SRGAP3: variants seen among roughly 807,000 people sequenced by gnomAD.
SRGAP3 encodes the protein SLIT-ROBO Rho GTPase-activating protein 3.
Under a neutral mutation model 121.1 loss-of-function variants are expected in SRGAP3, and 39 were observed. That is an observed-to-expected ratio of 0.32 (90% CI 0.25 to 0.42). SRGAP3 has a LOEUF of 0.42. Ranked by LOEUF, SRGAP3 falls within the 10% of genes least tolerant of loss-of-function variation. SRGAP3 has a pLI of 1.00. For synonymous variants in SRGAP3, 601 were observed against 570.0 expected, an observed-to-expected ratio of 1.05 and a Z score of -0.77; for missense variants, 1,213 against 1,470.6, an observed-to-expected ratio of 0.82 and a Z score of 2.86.
rs764970514 is a variant in SRGAP3, at chr3:9,146,169, G to A, written c.68-21252C>T. On this transcript the variant is annotated intron_variant, in intron 1 of 21. Coordinates refer to ENST00000383836, the MANE Select transcript of SRGAP3 (RefSeq NM_014850.4). ...GAGACTCAACTAAGACTTATCAATCGAGCTCCTTCCATCAAGCAGGTATTC... is the reference window on the plus strand; with the variant it reads ...GAGACTCAACTAAGACTTATCAATCAAGCTCCTTCCATCAAGCAGGTATTC... Among the ~76,000 whole-genome samples the A allele has an allele frequency of 2.6e-5, 4 of 152,184 alleles. No individual in the cohort carries two copies. The East Asian group carries it at 5.8e-4, about 22-fold the overall frequency.
intron 10 of SRGAP3, among the ~76,000 whole-genome samples, chr3:9,041,337 G>A (rs1945002450): frequency 6.6e-6 from 1 of 152,200 alleles, no homozygotes; most frequent in South Asian, 2.1e-4. Context: ...TCCGACCCAG[G>A]GACTCCCTGA....
intron 1 of SRGAP3, among the ~76,000 whole-genome samples, chr3:9,180,305 G>A (rs1951336216): frequency 6.6e-6 from 1 of 152,226 alleles, no homozygotes; most frequent in Admixed American, 6.5e-5. Flanking sequence ...AGGCTGTTTG[G>A]TTCCCACCCA....
intron 1 of SRGAP3, among the ~76,000 whole-genome samples, chr3:9,179,843 C>T (rs1358599578): frequency 6.6e-6 from 1 of 152,278 alleles, no homozygotes; most frequent in African/African-American, 2.4e-5. Context: ...CCCAAGGCCA[C>T]ATAGCTACCA....
At chr3:9,287,641 T>C (rs1255560772) in intron 3 of SRGAP3, among the ~76,000 whole-genome samples, 1 of 152,186 alleles carries the variant, frequency 6.6e-6, no homozygotes, top group African/African-American at 2.4e-5. Flanking sequence ...GTTGAAAAAC[T>C]GTGTATTGGG....
intron 3 of SRGAP3, among the ~76,000 whole-genome samples, chr3:9,290,403 G>A (rs183792333): frequency 1.3e-5 from 2 of 152,292 alleles, no homozygotes; most frequent in Admixed American, 6.5e-5. Context: ...ACATAGGACA[G>A]GTGTGTGGGG....
At position 8,984,262 on chromosome 3, in the gene SRGAP3, G is replaced by C; in HGVS notation, c.*1257C>G. The C allele has an allele frequency of 4.3e-6, 1 of 229,994 alleles. No individual in the cohort carries two copies. Among genetic ancestry groups the C allele is most frequent in the African/African-American group, 2.2e-5 (1 of 45,256 alleles). The allele number at this position is 229,994 out of a possible 1,614,324, so 14.2% of individuals were successfully genotyped here. ...TGTCCTCTAGGACAGAAAGTGCCAA[G>C]GACTGCCCCTCCCTGGCCCCAGTCT... On this transcript the variant is annotated 3_prime_UTR_variant, in exon 22 of 22. Coordinates refer to ENST00000383836, the MANE Select transcript of SRGAP3 (RefSeq NM_014850.4).
intron 1 of SRGAP3, among the ~76,000 whole-genome samples, chr3:9,183,162 G>A (rs557821993): frequency 6.6e-6 from 1 of 152,258 alleles, no homozygotes; most frequent in East Asian, 1.9e-4. Context: ...CCCAGGAAGG[G>A]ACCAGGAAAA....
chr3:9,350,001 C>T lies in SRGAP3; in HGVS notation n.214+12839G>A, dbSNP rs370974071. The T allele has an allele frequency of 2.6e-5, 4 of 152,138 alleles. No individual in the cohort carries two copies. In the East Asian group the frequency reaches 7.7e-4, roughly 29 times the overall value. The allele number at this position is 152,138 out of a possible 1,614,324, so 9.4% of individuals were successfully genotyped here. On this transcript the variant is annotated intron_variant and non_coding_transcript_variant, in intron 1 of 3. Transcript: ENST00000490889. ...TAGTTGCTTGGCCCTGACACATGGGCCCAGTGTTCATTTGAGCATAGCAGT... is the reference window on the plus strand; with the variant it reads ...TAGTTGCTTGGCCCTGACACATGGGTCCAGTGTTCATTTGAGCATAGCAGT...
At chr3:9,348,087 T>C (rs1955939080) in intron 1 of SRGAP3, among the ~76,000 whole-genome samples, 1 of 152,358 alleles carries the variant, frequency 6.6e-6, no homozygotes, top group East Asian at 1.9e-4. Context: ...GGCTCCTCAT[T>C]ATTCAGTAGC....
intron 1 of SRGAP3, among the ~76,000 whole-genome samples, chr3:9,189,653 G>A (rs1382654485): frequency 6.6e-6 from 1 of 152,186 alleles, no homozygotes; most frequent in Non-Finnish European, 1.5e-5. Context: ...GCTGCCAGGA[G>A]GGCTATATTC....
chr3:9,160,632 A>G (rs1020403575), intron 1 of SRGAP3, among the ~76,000 whole-genome samples: 3 of 152,106 alleles, frequency 2.0e-5, no homozygotes, highest in Non-Finnish European at 4.4e-5. Flanking sequence ...CTGATTCTTG[A>G]CCCATGGAAA....
chr3:9,358,010 G>T (rs1235858691), intron 1 of SRGAP3, among the ~76,000 whole-genome samples: 6 of 152,070 alleles, frequency 3.9e-5, no homozygotes, highest in Non-Finnish European at 7.4e-5. Context: ...GAGTAGCTGG[G>T]ATTAGAGATG....
intron 10 of SRGAP3, among the ~76,000 whole-genome samples, chr3:9,039,883 C>G (rs954036024): frequency 6.6e-6 from 1 of 152,190 alleles, no homozygotes; most frequent in African/African-American, 2.4e-5. Flanking sequence ...CCACTCAACA[C>G]AAATTGCCTT....
Position 9,156,869 on chromosome 3 carries a change from C to A in SRGAP3, c.68-31952G>T, listed in dbSNP as rs376351497. On this transcript the variant is annotated intron_variant, in intron 1 of 21. Transcript: ENST00000383836. The stretch of plus-strand genomic sequence containing the variant: ...TTTCAACAGACAGGAGGCAGCCAAG[C>A]AGAGCAGGGCCTAGACCTCAAAGGG... Among the ~76,000 whole-genome samples the A allele has an allele frequency of 4.1e-3, 622 of 152,242 alleles. 3 individuals carry two copies. The highest frequency in any genetic ancestry group is 0.014 in the African/African-American group (589 of 41,532).
intron 18 of SRGAP3, among the ~76,000 whole-genome samples, chr3:9,006,127 G>A (rs1050596507): frequency 2.0e-5 from 3 of 152,010 alleles, no homozygotes; most frequent in South Asian, 2.1e-4. Context: ...TGGGCTGGGC[G>A]TGGTGTCTCA....
intron 3 of SRGAP3, among the ~76,000 whole-genome samples, chr3:9,309,424 C>A (rs1360331297): frequency 6.6e-6 from 1 of 152,210 alleles, no homozygotes; most frequent in Non-Finnish European, 1.5e-5. Context: ...AATACCCCTT[C>A]CTGCTCGGTT....
At chr3:9,119,847 G>GC (rs1164739475) in intron 2 of SRGAP3, among the ~76,000 whole-genome samples, 2 of 152,190 alleles carry the variant, frequency 1.3e-5, no homozygotes, top group African/African-American at 4.8e-5. Context: ...GAGGAACCAG[G>GC]CATGCGAGTA....
chr3:9,114,946 T>C (rs139764179), intron 2 of SRGAP3, among the ~76,000 whole-genome samples: 10,287 of 152,302 alleles, frequency 0.068, 409 homozygotes, highest in African/African-American at 0.081. Context: ...ATGTGGTCTG[T>C]GAAGAAGGGG....
intron 18 of SRGAP3, among the ~76,000 whole-genome samples, chr3:9,009,631 T>C (rs574939078): frequency 2.4e-4 from 37 of 152,200 alleles, no homozygotes; most frequent in Non-Finnish European, 5.0e-4. Flanking sequence ...ATGGTTCAGA[T>C]TGCTTGTCTA....
Sources: allele counts gnomAD v4.1 joint callset (sites outside exome capture counted in the v4.1 genomes callset), GRCh38; gene constraint gnomAD v4.1.1; transcripts MANE v1.5; gene names NCBI Gene and HGNC (gene_info 2026-07-23, HGNC 2026-07-21).